The following TCF3 variants were observed in gnomAD, a reference collection of about 807,000 sequenced individuals.
TCF3 encodes the protein transcription factor E2-alpha.
TCF3 carries 54 observed loss-of-function variants against 72.3 expected under a neutral mutation model. The ratio of observed to expected loss-of-function variants is 0.75; its 90% CI spans 0.60 to 0.94. TCF3 has a LOEUF of 0.94. Among genes scored for constraint, TCF3 ranks in the 40% least tolerant of loss-of-function variants. TCF3 has a pLI of 0.00. For synonymous variants in TCF3, 525 were observed against 412.6 expected, an observed-to-expected ratio of 1.27 and a Z score of -3.30; for missense variants, 1,078 against 934.4, an observed-to-expected ratio of 1.15 and a Z score of -2.00.
Position 1,622,375 on chromosome 19 carries a change from G to T in TCF3, c.590C>A (p.Ala197Asp). ...PSSGEDYGRDATAYPSAKTPS... is the reference protein window; with the variant it reads ...PSSGEDYGRDDTAYPSAKTPS... ...GGTCTTGGCGGACGGGTAGGCGGTG[G>T]CATCCCTGCCGTAGTCCTCACCTGA... is the stretch of plus-strand genomic sequence containing the variant. Residue 197 changes from alanine to aspartate, a missense_variant, in exon 9 of 19, where the codon GCC (alanine) becomes GAC (aspartate). Coordinates refer to ENST00000262965, the MANE Select transcript of TCF3 (RefSeq NM_003200.5). 2 of 1,483,556 alleles carry T rather than the reference G, an allele frequency of 1.3e-6. No individual in the cohort carries two copies. Among genetic ancestry groups the T allele is most frequent in the Non-Finnish European group, 9.0e-7 (1 of 1,114,930 alleles). The allele number at this position is 1,483,556 out of a possible 1,614,324, so 91.9% of individuals were successfully genotyped here.
chr19:1,649,440 T>C (rs1009362573), intron 2 of TCF3, among the ~76,000 whole-genome samples: 1 of 152,214 alleles, frequency 6.6e-6, no homozygotes, highest in Non-Finnish European at 1.5e-5. Flanking sequence ...GGAAGGATCT[T>C]ACTCTATCGC....
At chr19:1,629,127 A>G (rs1396427285) in intron 5 of TCF3, among the ~76,000 whole-genome samples, 3 of 151,416 alleles carry the variant, frequency 2.0e-5, no homozygotes, top group Non-Finnish European at 4.4e-5. Flanking sequence ...GGAAGGGGAC[A>G]GCAGAGCTCA....
At position 1,622,431 on chromosome 19, in the gene TCF3, CGGTGGGG is replaced by C. The variant is rs768246586; in HGVS notation, c.550-23_550-17del. 16 of 441,786 alleles carry C rather than the reference CGGTGGGG, an allele frequency of 3.6e-5. No individual in the cohort carries two copies. In the East Asian group the frequency reaches 6.1e-4, roughly 17 times the overall value. The allele number at this position is 441,786 out of a possible 1,614,324, so 27.4% of individuals were successfully genotyped here. A position where few individuals can be genotyped will look rare whatever the true frequency, so the allele number is the denominator to read the frequency against. ...GTGGGTACACCTGCGGGCGGGTGGG[CGGTGGGG>C]GGTGCAGTCAGGACGGAGGGACCAC... On this transcript the variant is annotated splice_polypyrimidine_tract_variant and intron_variant, in intron 8 of 18. Coordinates refer to ENST00000262965, the MANE Select transcript of TCF3 (RefSeq NM_003200.5).
rs1277633574 is a variant in TCF3, at chr19:1,609,720, G to C, written c.*1987C>G. On this transcript the variant is annotated 3_prime_UTR_variant, in exon 19 of 19. Transcript: ENST00000262965. ...GGCAGCCGGACAGCCCCTCCCCTCCGCCTGGCCTGGACTGGGGGCAGATAC... is the reference window on the plus strand; with the variant it reads ...GGCAGCCGGACAGCCCCTCCCCTCCCCCTGGCCTGGACTGGGGGCAGATAC... The C allele has an allele frequency of 4.4e-6, 1 of 227,754 alleles. No individual in the cohort carries two copies. Among genetic ancestry groups the C allele is most frequent in the Non-Finnish European group, 8.7e-6 (1 of 115,044 alleles). The allele number at this position is 227,754 out of a possible 1,614,324, so 14.1% of individuals were successfully genotyped here. A position where few individuals can be genotyped will look rare whatever the true frequency, so the allele number is the denominator to read the frequency against.
At chr19:1,619,546 C>T in intron 14 of TCF3, 72 bp from the exon 15 acceptor site, 2 of 1,507,996 alleles carry the variant, frequency 1.3e-6, no homozygotes, top group Non-Finnish European at 1.8e-6. Flanking sequence ...CATGTCCCTT[C>T]CGCATGCAAG....
At chr19:1,629,992 G>A (rs1184564293) in intron 5 of TCF3, among the ~76,000 whole-genome samples, 2 of 152,166 alleles carry the variant, frequency 1.3e-5, no homozygotes, top group East Asian at 3.9e-4. Context: ...GGCCATAGGA[G>A]ACTGAGGTTA....
chr19:1,650,611 G>A (rs1359328104), intron 1 of TCF3: 3 of 276,432 alleles, frequency 1.1e-5, no homozygotes, highest in African/African-American at 6.4e-5. Context: ...CTGCACGCAG[G>A]GCAGCCAGAA....
chr19:1,650,103 C>G (rs1234412971), intron 2 of TCF3, 74 bp downstream of exon 2: 2 of 1,396,858 alleles, frequency 1.4e-6, no homozygotes, highest in African/African-American at 2.9e-5. Context: ...TCAGCAAACA[C>G]TCTCCCCTGA....
At chr19:1,633,859 A>G (rs2064038380) in intron 3 of TCF3, among the ~76,000 whole-genome samples, 1 of 152,142 alleles carries the variant, frequency 6.6e-6, no homozygotes, top group African/African-American at 2.4e-5. Context: ...CTGGCTGTGT[A>G]GGGGTGGGCA....
rs1427866718 is a variant in TCF3, at chr19:1,611,477, CAG to C, written c.*228_*229del. On this transcript the variant is annotated 3_prime_UTR_variant, in exon 19 of 19. Coordinates refer to ENST00000262965, the MANE Select transcript of TCF3 (RefSeq NM_003200.5). ...TGACACGGTGGCTGAGATTCGGGGA[CAG>C]GGGGAGCGAGGCCAGTGAGTGGTAG... 16 of 502,068 alleles carry C rather than the reference CAG, an allele frequency of 3.2e-5. No homozygotes were observed. Among genetic ancestry groups the C allele is most frequent in the South Asian group, 3.6e-5 (1 of 27,506 alleles). The allele number at this position is 502,068 out of a possible 1,614,324, so 31.1% of individuals were successfully genotyped here.
intron 5 of TCF3, among the ~76,000 whole-genome samples, chr19:1,629,564 C>T (rs769664933): frequency 2.6e-5 from 4 of 151,802 alleles, no homozygotes; most frequent in Non-Finnish European, 4.4e-5. Context: ...GCCTGGGCTA[C>T]GGAGGAGGAC....
Position 1,622,382 on chromosome 19 carries a change from T to C in TCF3, c.583A>G (p.Arg195Gly). The C allele has an allele frequency of 7.7e-7, 1 of 1,292,900 alleles. No individual in the cohort carries two copies. Among genetic ancestry groups the C allele is most frequent in the Non-Finnish European group, 1.0e-6 (1 of 992,188 alleles). 80.1% of individuals were successfully genotyped at this position (1,292,900 alleles called of 1,614,324 possible). A position where few individuals can be genotyped will look rare whatever the true frequency, so the allele number is the denominator to read the frequency against. The change falls in exon 9 of 19, where the codon AGG becomes GGG. Residue 195 changes from arginine to glycine, a missense_variant. Transcript: ENST00000262965. ...YPPSSGEDYGRDATAYPSAKT... is the reference protein window; with the variant it reads ...YPPSSGEDYGGDATAYPSAKT... ...GCGGACGGGTAGGCGGTGGCATCCC[T>C]GCCGTAGTCCTCACCTGAGCTGGGT...
At chr19:1,626,509 G>C (rs946365957) in intron 6 of TCF3, among the ~76,000 whole-genome samples, 1 of 151,640 alleles carries the variant, frequency 6.6e-6, no homozygotes, top group African/African-American at 2.4e-5. Flanking sequence ...GGGTGGCCCA[G>C]CGCCCAGGAC....
chr19:1,650,708 G>A (rs1456666649), intron 1 of TCF3: 4 of 235,216 alleles, frequency 1.7e-5, no homozygotes, highest in Admixed American at 1.1e-4. Context: ...GGAACAGCCC[G>A]ATCCTACCCC....
chr19:1,621,453 GTGAGTCCCTCTCTGGGCCTGGGTAAC>G (rs1568368768), intron 11 of TCF3, among the ~76,000 whole-genome samples: 59 of 151,856 alleles, frequency 3.9e-4, no homozygotes, highest in Admixed American at 6.6e-4. Flanking sequence ...GCCTGGATGG[GTGAGTCCCTCTCTGGGCCTGGGTAAC>G]TGAGTCCCTC....
At chr19:1,623,177 G>C (rs2062458038) in intron 8 of TCF3, among the ~76,000 whole-genome samples, 1 of 152,080 alleles carries the variant, frequency 6.6e-6, no homozygotes, top group African/African-American at 2.4e-5. Context: ...AGGGCTCTTG[G>C]GGCCAGCACA....
At position 1,610,860 on chromosome 19, in the gene TCF3, C is replaced by T. The variant is rs2060927919; in HGVS notation, c.*847G>A. The T allele has an allele frequency of 4.4e-6, 1 of 228,144 alleles. No individual in the cohort carries two copies. The highest frequency in any genetic ancestry group is 5.7e-5 in the Admixed American group (1 of 17,508). 14.1% of individuals were successfully genotyped at this position (228,144 alleles called of 1,614,324 possible). A position where few individuals can be genotyped will look rare whatever the true frequency, so the allele number is the denominator to read the frequency against. On this transcript the variant is annotated 3_prime_UTR_variant, in exon 19 of 19. Transcript: ENST00000262965. Reference sequence around the variant, plus strand: ...TTCCACATGACAAAACCAAGAGAACCCCCAACATCAAAAAAACAAAAGACC... The same window carrying T: ...TTCCACATGACAAAACCAAGAGAACTCCCAACATCAAAAAAACAAAAGACC...
chr19:1,629,922 C>T (rs2063494597), intron 5 of TCF3, among the ~76,000 whole-genome samples: 2 of 152,192 alleles, frequency 1.3e-5, no homozygotes, highest in South Asian at 4.1e-4. Context: ...CACGACCCAC[C>T]CCACAGGCCA....
chr19:1,642,556 G>C (rs1380911009), intron 3 of TCF3, among the ~76,000 whole-genome samples: 3 of 152,212 alleles, frequency 2.0e-5, no homozygotes, highest in Non-Finnish European at 2.9e-5. Flanking sequence ...ATTCACCAGA[G>C]AGCCATTCAC....
Sources: allele counts gnomAD v4.1 joint callset (sites outside exome capture counted in the v4.1 genomes callset), GRCh38; gene constraint gnomAD v4.1.1; transcripts MANE v1.5; gene names NCBI Gene and HGNC (gene_info 2026-07-23, HGNC 2026-07-21).